CDH13: variants seen among roughly 807,000 people sequenced by gnomAD.
CDH13 encodes the protein cadherin-13.
CDH13 carries 24 observed loss-of-function variants against 63.8 expected under a neutral mutation model. The observed-to-expected ratio is 0.38, with a 90% CI of 0.27 to 0.53. CDH13 has a LOEUF of 0.53. Among genes scored for constraint, CDH13 ranks in the 20% least tolerant of loss-of-function variants. The pLI, the probability that CDH13 is intolerant of heterozygous loss-of-function variation, is 0.85. For synonymous variants in CDH13, 503 were observed against 355.3 expected, an observed-to-expected ratio of 1.42 and a Z score of -4.67; for missense variants, 1,049 against 903.1, an observed-to-expected ratio of 1.16 and a Z score of -2.07.
chr16:83,224,076 G>A (rs928052208), intron 5 of CDH13, among the ~76,000 whole-genome samples: 4 of 152,142 alleles, frequency 2.6e-5, no homozygotes, highest in African/African-American at 9.7e-5. Context: ...AATTATGAGT[G>A]AGAACATATG....
At chr16:83,334,392 C>G (rs192167445) in intron 5 of CDH13, among the ~76,000 whole-genome samples, 26 of 150,604 alleles carry the variant, frequency 1.7e-4, no homozygotes, top group African/African-American at 6.1e-4. Context: ...CACACACACA[C>G]ACAGAATCTC....
intron 4 of CDH13, among the ~76,000 whole-genome samples, chr16:83,142,880 A>G (rs959182132): frequency 6.6e-6 from 1 of 152,184 alleles, no homozygotes; most frequent in African/African-American, 2.4e-5. Flanking sequence ...AGGCGGGCAG[A>G]TCACCTGAGG....
intron 2 of CDH13, chr16:82,884,055 C>A: frequency 2.7e-6 from 1 of 370,608 alleles, no homozygotes; most frequent in African/African-American, 2.1e-5. Flanking sequence ...ATGACTACAA[C>A]ACTTAAAACC....
rs114263670 is a variant in CDH13 at position 83,433,430 on chromosome 16, A to G, written c.782-53047A>G. Among the ~76,000 whole-genome samples, 839 of 152,330 alleles carry G rather than the reference A, an allele frequency of 5.5e-3. 9 individuals are homozygous for G. The highest frequency in any genetic ancestry group is 0.019 in the African/African-American group (790 of 41,570). On this transcript the variant is annotated intron_variant, in intron 6 of 13. Transcript: ENST00000567109. The stretch of plus-strand genomic sequence containing the variant: ...AGCATTTATGTGAATGTGGGCTATC[A>G]TTCATTACTGGGAAAATGCATGACC...
intron 1 of CDH13, among the ~76,000 whole-genome samples, chr16:82,802,038 T>G (rs879573909): frequency 5.9e-5 from 9 of 152,188 alleles, no homozygotes; most frequent in Non-Finnish European, 8.8e-5. Context: ...TGAGGATCTC[T>G]GGAAGACTAC....
intron 1 of CDH13, among the ~76,000 whole-genome samples, chr16:82,680,110 C>T (rs374426770): frequency 1.8e-4 from 28 of 152,208 alleles, no homozygotes; most frequent in African/African-American, 3.9e-4. Flanking sequence ...AGTCTTCCAG[C>T]GTAGGTCATT....
intron 6 of CDH13, among the ~76,000 whole-genome samples, chr16:83,395,239 A>C (rs1467077680): frequency 1.3e-5 from 2 of 151,342 alleles, no homozygotes; most frequent in Admixed American, 1.3e-4. Flanking sequence ...ACTGGAACCT[A>C]GGAGGCGGAG....
chr16:83,518,145 C>CTTTTGTTTTG (rs113830722), intron 7 of CDH13, among the ~76,000 whole-genome samples: 1 of 150,872 alleles, frequency 6.6e-6, no homozygotes, highest in Non-Finnish European at 1.5e-5. Context: ...ATGTGATGGT[C>CTTTTGTTTTG]TTTTGTTTTG....
chr16:83,308,544 C>G (rs191019158), intron 5 of CDH13, among the ~76,000 whole-genome samples: 2 of 152,186 alleles, frequency 1.3e-5, no homozygotes, highest in African/African-American at 4.8e-5. Context: ...CAAAAACACA[C>G]TAGAGATTAC....
chr16:83,064,873 G>A (rs2031868029), intron 3 of CDH13, among the ~76,000 whole-genome samples: 1 of 152,002 alleles, frequency 6.6e-6, no homozygotes, highest in South Asian at 2.1e-4. Context: ...ATTTGAAATT[G>A]ACTCTCTTAG....
At position 82,686,321 on chromosome 16, in the gene CDH13, C is replaced by G. The variant is rs1019034012; in HGVS notation, c.45+59184C>G. Among the ~76,000 whole-genome samples the G allele has an allele frequency of 2.0e-5, 3 of 152,066 alleles. No individual in the cohort carries two copies. In the East Asian group the frequency reaches 5.8e-4, roughly 29 times the overall value. On this transcript the variant is annotated intron_variant, in intron 1 of 13. Coordinates refer to ENST00000567109, the MANE Select transcript of CDH13 (RefSeq NM_001257.5). ...TCTTTGAATTCGTCTCCTCCTGGTT[C>G]TGCGGAGAGCCATGAGAGACTAGAA...
intron 6 of CDH13, among the ~76,000 whole-genome samples, chr16:83,373,320 C>T (rs139123998): frequency 0.011 from 1,598 of 152,136 alleles, 9 homozygotes; most frequent in Middle Eastern, 0.031. Flanking sequence ...AACAGTGCTC[C>T]ACAGAGAGTG....
chr16:83,064,988 TA>T (rs34993361), intron 3 of CDH13, among the ~76,000 whole-genome samples: 1 of 151,918 alleles, frequency 6.6e-6, no homozygotes, highest in Non-Finnish European at 1.5e-5. Context: ...CACTCTTAGC[TA>T]AAAAAAATCT....
At chr16:82,724,913 C>T (rs562289078) in intron 1 of CDH13, among the ~76,000 whole-genome samples, 4 of 152,132 alleles carry the variant, frequency 2.6e-5, no homozygotes, top group Non-Finnish European at 5.9e-5. Flanking sequence ...CTCAGCTTCC[C>T]CACCTATAAA....
chr16:83,326,934 A>G (rs1016974632), intron 5 of CDH13, among the ~76,000 whole-genome samples: 10 of 152,228 alleles, frequency 6.6e-5, no homozygotes, highest in African/African-American at 2.4e-4. Context: ...TGTTAAGTCC[A>G]GAAGAAACTA....
intron 3 of CDH13, among the ~76,000 whole-genome samples, chr16:83,077,667 A>G (rs1567807695): frequency 6.6e-6 from 1 of 152,218 alleles, no homozygotes. Context: ...AAATTGCTAT[A>G]AAAACGTTCA....
chr16:83,476,452 C>T (rs894071983), intron 6 of CDH13, among the ~76,000 whole-genome samples: 6 of 152,216 alleles, frequency 3.9e-5, no homozygotes, highest in African/African-American at 1.4e-4. Flanking sequence ...GTGGGCAGAT[C>T]ACTCGAGGTC....
intron 1 of CDH13, among the ~76,000 whole-genome samples, chr16:82,685,592 CTGTG>C (rs541637450): frequency 6.6e-6 from 1 of 152,114 alleles, no homozygotes; most frequent in African/African-American, 2.4e-5. Context: ...GTGTTTGTGC[CTGTG>C]TGTGTGCACT....
chr16:83,159,086 C>A (rs2037337570), intron 4 of CDH13, among the ~76,000 whole-genome samples: 1 of 152,072 alleles, frequency 6.6e-6, no homozygotes, highest in Non-Finnish European at 1.5e-5. Flanking sequence ...CTTTGTCTTG[C>A]CTTCCATGTC....
Sources: gnomAD v4.1 joint callset for allele counts (sites outside exome capture counted in the v4.1 genomes callset) on GRCh38, gnomAD v4.1.1 for gene constraint, MANE v1.5 for transcripts, NCBI Gene and HGNC (gene_info 2026-07-23, HGNC 2026-07-21) for gene names.